GABPB1: variants seen among roughly 807,000 people sequenced by gnomAD.
GABPB1 encodes the protein GA binding protein transcription factor subunit beta 1, also known as GA-binding protein subunit beta-1.
GABPB1 carries 15 observed loss-of-function variants against 45.9 expected under a neutral mutation model. The observed-to-expected ratio is 0.33, with a 90% CI of 0.22 to 0.50. The LOEUF (loss-of-function observed/expected upper bound fraction) is 0.50, where lower values mean the gene tolerates loss of function less well. GABPB1 is among the 20% of genes least tolerant of loss of function. The pLI is 0.98. For synonymous variants in GABPB1, 143 were observed against 154.4 expected (o/e 0.93, Z 0.55); for missense variants, 252 against 457.5 (o/e 0.55, Z 4.10).
chr15:50,320,443 C>G (rs1043091419), intron 1 of GABPB1, among the ~76,000 whole-genome samples: 6 of 152,228 alleles, frequency 3.9e-5, no homozygotes, highest in African/African-American at 1.4e-4. Flanking sequence ...GCTGGGATTA[C>G]AGGCGTGAGC....
At chr15:50,284,750 A>AT (rs962106281) in intron 8 of GABPB1, among the ~76,000 whole-genome samples, 1 of 152,164 alleles carries the variant, frequency 6.6e-6, no homozygotes. Flanking sequence ...GTACATGACA[A>AT]TTTTTTTACC....
intron 1 of GABPB1, among the ~76,000 whole-genome samples, chr15:50,318,608 G>A (rs972079267): frequency 1.1e-4 from 16 of 152,096 alleles, no homozygotes; most frequent in Non-Finnish European, 2.2e-4. Flanking sequence ...CAAAATGATG[G>A]TGAAGGGAGA....
chr15:50,312,826 T>C (rs1379128085), intron 1 of GABPB1, among the ~76,000 whole-genome samples: 4 of 152,192 alleles, frequency 2.6e-5, no homozygotes, highest in African/African-American at 9.6e-5. Flanking sequence ...AGTGAGAGTT[T>C]AGGGCTTTTC....
intron 1 of GABPB1, among the ~76,000 whole-genome samples, chr15:50,345,298 C>G (rs1313899866): frequency 1.3e-5 from 2 of 152,188 alleles, no homozygotes; most frequent in African/African-American, 4.8e-5. Context: ...TCTGAAGCGA[C>G]AATCTGAATT....
chr15:50,282,209 A>G, intron 8 of GABPB1: 1 of 438,358 alleles, frequency 2.3e-6, no homozygotes, highest in Non-Finnish European at 4.5e-6. Context: ...CAAAAAATAA[A>G]TAAATAAATA....
At chr15:50,332,828 C>A (rs2047992816) in intron 1 of GABPB1, among the ~76,000 whole-genome samples, 2 of 151,774 alleles carry the variant, frequency 1.3e-5, no homozygotes, top group Admixed American at 6.6e-5. Flanking sequence ...CTTGTTATAC[C>A]CTTGTTTTTA....
chr15:50,346,567 T>C (rs187516216), intron 1 of GABPB1, among the ~76,000 whole-genome samples: 47 of 150,956 alleles, frequency 3.1e-4, no homozygotes, highest in African/African-American at 1.1e-3. Flanking sequence ...ATAAACTGGG[T>C]AGCTTACAAA....
rs547524209 is a variant in GABPB1 at position 50,305,273 on chromosome 15, C to T, written c.109-1140G>A. On this transcript the variant is annotated intron_variant, in intron 2 of 8. Coordinates refer to ENST00000380877, the MANE Select transcript of GABPB1 (RefSeq NM_016654.5). Reference sequence around the variant, plus strand: ...AGATATATGTATAAAGGTCCTTAGTCCTATCTCTCTATCTATCTATCTATA... The same window carrying T: ...AGATATATGTATAAAGGTCCTTAGTTCTATCTCTCTATCTATCTATCTATA... Among the ~76,000 whole-genome samples the T allele has an allele frequency of 4.7e-3, 583 of 123,512 alleles. 3 individuals are homozygous for T. The highest frequency in any genetic ancestry group is 0.015 in the African/African-American group (560 of 37,608). 81.0% of individuals were successfully genotyped at this position (123,512 alleles called of 152,430 possible).
chr15:50,327,075 C>A (rs1240075004), intron 1 of GABPB1: 1 of 151,926 alleles, frequency 6.6e-6, no homozygotes, highest in African/African-American at 2.4e-5. Flanking sequence ...GAATGTATCC[C>A]AGGAAAAAAA....
chr15:50,344,186 C>G (rs541270827), intron 1 of GABPB1, among the ~76,000 whole-genome samples: 4 of 152,280 alleles, frequency 2.6e-5, no homozygotes, highest in Admixed American at 6.5e-5. Flanking sequence ...GAGTAAACAC[C>G]AGCTTGATAA....
chr15:50,353,686 G>C (rs976949900), intron 1 of GABPB1: 1 of 152,062 alleles, frequency 6.6e-6, no homozygotes. Flanking sequence ...ACGTCAGTGA[G>C]AAAAAAATTT....
intron 1 of GABPB1, among the ~76,000 whole-genome samples, chr15:50,320,066 G>A (rs930129402): frequency 3.3e-5 from 5 of 151,970 alleles, no homozygotes; most frequent in Non-Finnish European, 7.4e-5. Context: ...TCAGGCGGGT[G>A]GGCAAAAATA....
rs1353270157 is a variant in GABPB1, at chr15:50,302,999, C to T, written c.401G>A (p.Ser134Asn). ...ATCAAATGCAGTTTTACAAAATTTA[C>T]TTTGCGTGTGTACATCAGCACCATA... is the stretch of plus-strand genomic sequence containing the variant. ...IKYGADVHTQ[S>N]KFCKTAFDIS... is the part of the protein sequence containing the mutation. The change falls in exon 4 of 9, where the codon AGT (serine) becomes AAT (asparagine). Residue 134 changes from serine (S) to asparagine (N), a missense_variant. Transcript: ENST00000380877. 2.5e-6 allele frequency: 4 copies of T among 1,613,694 alleles called. No individual in the cohort carries two copies. The East Asian group carries it at 6.7e-5, about 27-fold the overall frequency.
At chr15:50,309,175 T>C (rs1429644051) in intron 2 of GABPB1, among the ~76,000 whole-genome samples, 1 of 152,062 alleles carries the variant, frequency 6.6e-6, no homozygotes, top group African/African-American at 2.4e-5. Flanking sequence ...CCCCCAGAAT[T>C]AAAGAGTTAT....
rs1449052748 is a variant in GABPB1 at position 50,289,645 on chromosome 15, T to C, written c.721A>G (p.Thr241Ala). The change falls in exon 7 of 9, where the codon ACT becomes GCT. Residue 241 changes from threonine (T) to alanine (A), a missense_variant. Around this residue, in one of 4 missense-constraint regions of GABPB1, gnomAD observed 193 missense variants for 259.9 expected, o/e 0.74. Coordinates refer to ENST00000380877, the MANE Select transcript of GABPB1 (RefSeq NM_016654.5). ...TPVVATEEVV[T>A]AESVDGAIQQ... is the part of the protein sequence containing the mutation. ...ATGGCACCATCCACAGATTCTGCAG[T>C]AACTACTTCTTCTGTGGCCACTACT... 5.0e-6 allele frequency: 8 copies of C among 1,610,736 alleles called. No individual in the cohort carries two copies. The highest frequency in any genetic ancestry group is 1.7e-5 in the Admixed American group (1 of 59,610).
At chr15:50,354,781 G>A in intron 1 of GABPB1, 1 of 236,318 alleles carries the variant, frequency 4.2e-6, no homozygotes, top group Admixed American at 6.4e-5. Context: ...AAAGCGCAGC[G>A]GCGGCGCGGG....
At position 50,278,238 on chromosome 15, in the gene GABPB1, C is replaced by T. The variant is rs1488323869; in HGVS notation, c.*394G>A. On this transcript the variant is annotated 3_prime_UTR_variant, in exon 9 of 9. Transcript: ENST00000380877. ...TACAGGAGTAATTCCAGCATCAGTC[C>T]ACCATAATTATTACACAACATTTGG... is the stretch of plus-strand genomic sequence containing the variant. 7.1e-5 allele frequency: 11 copies of T among 154,066 alleles called. No individual in the cohort carries two copies. Among genetic ancestry groups the T allele is most frequent in the Admixed American group, 4.6e-4 (7 of 15,364 alleles). 9.5% of individuals were successfully genotyped at this position (154,066 alleles called of 1,614,324 possible).
At chr15:50,295,487 G>A (rs951244947) in intron 6 of GABPB1, among the ~76,000 whole-genome samples, 1 of 152,122 alleles carries the variant, frequency 6.6e-6, no homozygotes, top group Non-Finnish European at 1.5e-5. Flanking sequence ...CCTCTAGGAA[G>A]ATTCCATGAC....
In GABPB1 at chr15:50,322,469, C is replaced by A. The variant is rs145959563; in HGVS notation, c.1-12671G>T. On this transcript the variant is annotated intron_variant, in intron 1 of 8. Coordinates refer to ENST00000380877, the MANE Select transcript of GABPB1 (RefSeq NM_016654.5). ...GCTAAGGCAGGAGAATCACTTGAATCAAGGAGATGGAGGTTGCAGTGACCC... is the reference window on the plus strand; with the variant it reads ...GCTAAGGCAGGAGAATCACTTGAATAAAGGAGATGGAGGTTGCAGTGACCC... 3.5e-3 allele frequency among the ~76,000 whole-genome samples: 527 copies of A among 151,828 alleles called. 7 individuals are homozygous for A. The highest frequency in any genetic ancestry group is 0.012 in the African/African-American group (503 of 41,398).
Sources: allele counts gnomAD v4.1 joint callset (sites outside exome capture counted in the v4.1 genomes callset), GRCh38; gene constraint gnomAD v4.1.1; regional missense constraint gnomAD v4.1.1; transcripts MANE v1.5; gene names NCBI Gene and HGNC (gene_info 2026-07-23, HGNC 2026-07-21).